The following CNTN3 variants were observed in gnomAD, a reference collection of about 807,000 sequenced individuals.
The protein encoded by CNTN3 is contactin 3.
Under a neutral mutation model 119.1 loss-of-function variants are expected in CNTN3, and 60 were observed. That is an observed-to-expected ratio of 0.50 (90% CI 0.41 to 0.62). CNTN3 has a LOEUF of 0.62. Among genes scored for constraint, CNTN3 ranks in the 20% least tolerant of loss-of-function variants. CNTN3 has a pLI of 0.00. For synonymous variants in CNTN3, 450 were observed against 438.7 expected (o/e 1.03, Z -0.32); for missense variants, 1,101 against 1,242.4 (o/e 0.89, Z 1.71).
intron 4 of CNTN3, among the ~76,000 whole-genome samples, chr3:74,431,259 T>G (rs997639713): frequency 3.9e-5 from 6 of 152,202 alleles, no homozygotes; most frequent in Non-Finnish European, 8.8e-5. Flanking sequence ...GGGGTCACTC[T>G]GACTTTTTTT....
At chr3:74,320,057 G>A (rs1278446697) in intron 13 of CNTN3, among the ~76,000 whole-genome samples, 1 of 152,146 alleles carries the variant, frequency 6.6e-6, no homozygotes, top group Admixed American at 6.5e-5. Flanking sequence ...GGAACACTTT[G>A]ACACTGTTGG....
intron 3 of CNTN3, among the ~76,000 whole-genome samples, 200 bp from the exon 4 acceptor site, chr3:74,486,831 C>G (rs1262233763): frequency 6.6e-6 from 1 of 152,052 alleles, no homozygotes; most frequent in Non-Finnish European, 1.5e-5. Flanking sequence ...GAAAGTATAA[C>G]AGAGTAGCAT....
In CNTN3 at chr3:74,529,577, A is replaced by T. The variant is rs1194205054; in HGVS notation, c.-80-8385T>A. Among the ~76,000 whole-genome samples, 3 of 151,974 alleles carry T rather than the reference A, an allele frequency of 2.0e-5. No individual in the cohort carries two copies. In the East Asian group the frequency reaches 5.8e-4, roughly 30 times the overall value. On this transcript the variant is annotated intron_variant, in intron 1 of 22. Coordinates refer to ENST00000263665, the MANE Select transcript of CNTN3 (RefSeq NM_020872.3). Reference sequence around the variant, plus strand: ...TGAAACTACTGAGAGGTTACCACTAAGGACAATGTCCCAGTAATCTGCCAC... The same window carrying T: ...TGAAACTACTGAGAGGTTACCACTATGGACAATGTCCCAGTAATCTGCCAC...
At chr3:74,582,780 CATTT>C (rs201029135) in intron 1 of CNTN3, among the ~76,000 whole-genome samples, 3,461 of 109,980 alleles carry the variant, frequency 0.031, 61 homozygotes, top group South Asian at 0.056. Context: ...CATGTGTATG[CATTT>C]GTGTGTGTGT....
intron 4 of CNTN3, among the ~76,000 whole-genome samples, chr3:74,427,546 AC>A (rs1296112837): frequency 4.6e-5 from 7 of 152,154 alleles, no homozygotes; most frequent in Non-Finnish European, 7.4e-5. Flanking sequence ...TATATGTGCC[AC>A]CCAAATGTAA....
chr3:74,321,331 G>T (rs1015953617), intron 13 of CNTN3, among the ~76,000 whole-genome samples: 3 of 151,890 alleles, frequency 2.0e-5, no homozygotes, highest in East Asian at 1.9e-4. Flanking sequence ...CTCAATAAAA[G>T]GTGGTTTTAA....
At position 74,334,778 on chromosome 3, in the gene CNTN3, G is replaced by T. The variant is rs1468579799; in HGVS notation, c.1625C>A (p.Ala542Glu). The change falls in exon 13 of 23, where the codon GCA becomes GAA. Residue 542 changes from alanine (A) to glutamate (E), a missense_variant. Transcript: ENST00000263665. ...IFTWYFNGAL[A>E]DFKKDGSHFE... ...GTGAGATCCATCTTTCTTAAAATCT[G>T]CAAGGGCCCCATTGAAATACCAGGT... The T allele has an allele frequency of 7.4e-6, 12 of 1,613,426 alleles. No individual in the cohort carries two copies. Among genetic ancestry groups the T allele is most frequent in the Non-Finnish European group, 1.0e-5 (12 of 1,179,656 alleles).
At position 74,614,456 on chromosome 3, in the gene CNTN3, G is replaced by GCCGCCT. The variant is rs1575871655; in HGVS notation, c.-147_-146insAGGCGG. Reference sequence around the variant, plus strand: ...ACTCGCCGCCGCCGCCGCCGCCGCCGCCGCCGCCACCGCCGCCGCCGCAGT... The same window carrying GCCGCCT: ...ACTCGCCGCCGCCGCCGCCGCCGCCGCCGCCTCCGCCGCCACCGCCGCCGCCGCAGT... On this transcript the variant is annotated 5_prime_UTR_variant, in exon 1 of 23. Transcript: ENST00000263665. 7.0e-6 allele frequency among the ~76,000 whole-genome samples: 1 copy of GCCGCCT among 142,740 alleles called. No homozygotes were observed. Among genetic ancestry groups the GCCGCCT allele is most frequent in the East Asian group, 2.0e-4 (1 of 5,034 alleles). 93.6% of individuals were successfully genotyped at this position (142,740 alleles called of 152,430 possible). A position where few individuals can be genotyped will look rare whatever the true frequency, so the allele number is the denominator to read the frequency against.
At chr3:74,413,449 C>T (rs967939828) in intron 5 of CNTN3, among the ~76,000 whole-genome samples, 5 of 152,148 alleles carry the variant, frequency 3.3e-5, no homozygotes, top group Admixed American at 6.5e-5. Flanking sequence ...AACTTAGCCA[C>T]GGTTAGGAAA....
At chr3:74,319,842 C>A (rs1049470065) in intron 13 of CNTN3, among the ~76,000 whole-genome samples, 4 of 151,352 alleles carry the variant, frequency 2.6e-5, no homozygotes, top group African/African-American at 9.7e-5. Flanking sequence ...ACAACCCCAT[C>A]AATAAGCAGG....
At chr3:74,278,246 A>C in intron 20 of CNTN3, among the ~76,000 whole-genome samples, 1 of 152,200 alleles carries the variant, frequency 6.6e-6, no homozygotes, top group East Asian at 1.9e-4. Flanking sequence ...ATATTCTTCA[A>C]AGGATTATAA....
chr3:74,580,209 A>T (rs1365617072), intron 1 of CNTN3, among the ~76,000 whole-genome samples: 1 of 152,248 alleles, frequency 6.6e-6, no homozygotes, highest in Admixed American at 6.5e-5. Context: ...AAAGTAGAAC[A>T]TCAAAATAAA....
chr3:74,403,511 A>G (rs929937704), intron 5 of CNTN3, among the ~76,000 whole-genome samples: 1 of 152,168 alleles, frequency 6.6e-6, no homozygotes, highest in Admixed American at 6.5e-5. Context: ...GCTCTCTCTA[A>G]TTCTGTGATA....
At chr3:74,591,011 T>C (rs1188730336) in intron 1 of CNTN3, among the ~76,000 whole-genome samples, 1 of 152,028 alleles carries the variant, frequency 6.6e-6, no homozygotes, top group Non-Finnish European at 1.5e-5. Flanking sequence ...ACTACTATCT[T>C]ATTTCCCTGA....
chr3:74,460,812 TATATATGC>T lies in CNTN3; in HGVS notation c.358+25636_358+25643del, dbSNP rs1279285904. On this transcript the variant is annotated intron_variant, in intron 4 of 22. Transcript: ENST00000263665. Reference sequence around the variant, plus strand: ...ATATATATATATATATATATATATATATATATGCCTTTCATTTCTTTCTTTTTTTTTTG... The same window carrying T: ...ATATATATATATATATATATATATATCTTTCATTTCTTTCTTTTTTTTTTG... 7.1e-4 allele frequency among the ~76,000 whole-genome samples: 80 copies of T among 112,232 alleles called. 1 individual carries two copies. The highest frequency in any genetic ancestry group is 2.5e-3 in the African/African-American group (79 of 31,180). 73.6% of individuals were successfully genotyped at this position (112,232 alleles called of 152,430 possible). A position where few individuals can be genotyped will look rare whatever the true frequency, so the allele number is the denominator to read the frequency against.
chr3:74,591,023 A>G lies in CNTN3; in HGVS notation c.-81+23368T>C, dbSNP rs561150327. Among the ~76,000 whole-genome samples, 4 of 152,104 alleles carry G rather than the reference A, an allele frequency of 2.6e-5. No homozygotes were observed. In the South Asian group the frequency reaches 8.3e-4, roughly 32 times the overall value. On this transcript the variant is annotated intron_variant, in intron 1 of 22. Coordinates refer to ENST00000263665, the MANE Select transcript of CNTN3 (RefSeq NM_020872.3). ...CTGACTACTATCTTATTTCCCTGAA[A>G]TCCAAGCTTAATTATTACAAGCAGA...
intron 3 of CNTN3, among the ~76,000 whole-genome samples, chr3:74,495,620 A>G (rs1266207419): frequency 1.3e-5 from 2 of 151,988 alleles, no homozygotes; most frequent in Non-Finnish European, 2.9e-5. Context: ...ATAAATGGTT[A>G]GCAGAATTTA....
chr3:74,506,316 G>A (rs1240915329), intron 2 of CNTN3, among the ~76,000 whole-genome samples: 1 of 152,022 alleles, frequency 6.6e-6, no homozygotes, highest in Admixed American at 6.6e-5. Context: ...TTCTAAAAGT[G>A]CCCAGTGTTT....
chr3:74,426,711 C>G (rs895681361), intron 4 of CNTN3, among the ~76,000 whole-genome samples: 1 of 152,158 alleles, frequency 6.6e-6, no homozygotes, highest in African/African-American at 2.4e-5. Context: ...AGCGTTGTAT[C>G]ACCTTAAATC....
Sources: gnomAD v4.1 joint callset for allele counts (sites outside exome capture counted in the v4.1 genomes callset) on GRCh38, gnomAD v4.1.1 for gene constraint, MANE v1.5 for transcripts, NCBI Gene and HGNC (gene_info 2026-07-23, HGNC 2026-07-21) for gene names.